The following HECW1 variants were observed in gnomAD, a reference collection of about 807,000 sequenced individuals.
HECW1 encodes the protein E3 ubiquitin-protein ligase HECW1.
HECW1 carries 61 observed loss-of-function variants against 182.3 expected under a neutral mutation model. That is an observed-to-expected ratio of 0.33 (90% CI 0.27 to 0.41). HECW1 has a LOEUF of 0.41. Among genes scored for constraint, HECW1 ranks in the 10% least tolerant of loss-of-function variants. The pLI is 1.00. For synonymous variants in HECW1, 859 were observed against 832.6 expected (o/e 1.03, Z -0.55); for missense variants, 1,739 against 2,108.9 (o/e 0.82, Z 3.44).
chr7:43,325,614 C>T (rs563438579), intron 5 of HECW1, among the ~76,000 whole-genome samples: 2 of 152,294 alleles, frequency 1.3e-5, no homozygotes, highest in East Asian at 1.9e-4. Flanking sequence ...CCTTCTCCCC[C>T]GCCCTTGTGT....
chr7:43,359,676 C>A (rs1815623954), intron 5 of HECW1, among the ~76,000 whole-genome samples: 1 of 152,164 alleles, frequency 6.6e-6, no homozygotes, highest in Non-Finnish European at 1.5e-5. Flanking sequence ...TACTTATCTT[C>A]ATTTTTCGTA....
At position 43,337,492 on chromosome 7, in the gene HECW1, C is replaced by T. The variant is rs576710544; in HGVS notation, c.460+16750C>T. Among the ~76,000 whole-genome samples the T allele has an allele frequency of 3.9e-5, 6 of 152,248 alleles. No individual in the cohort carries two copies. The South Asian group carries it at 1.2e-3, about 32-fold the overall frequency. ...TGACATCTCTAGGTCAGTCAAGTGG[C>T]CAAGAGCCCCAAGGTGACATCTCTA... On this transcript the variant is annotated intron_variant, in intron 5 of 29. Coordinates refer to ENST00000395891, the MANE Select transcript of HECW1 (RefSeq NM_015052.5).
At chr7:43,238,195 A>C (rs573100142) in intron 2 of HECW1, among the ~76,000 whole-genome samples, 1 of 152,310 alleles carries the variant, frequency 6.6e-6, no homozygotes, top group East Asian at 1.9e-4. Flanking sequence ...GGAAGAAAGC[A>C]AACAGCTCTG....
chr7:43,451,979 G>A (rs1049864013), intron 12 of HECW1, among the ~76,000 whole-genome samples: 16 of 152,146 alleles, frequency 1.1e-4, no homozygotes, highest in African/African-American at 2.9e-4. Flanking sequence ...GTACTTTACA[G>A]GAACACCACT....
At chr7:43,508,751 A>C in intron 23 of HECW1, 1 of 555,486 alleles carries the variant, frequency 1.8e-6, no homozygotes, top group East Asian at 2.9e-5. Flanking sequence ...GAGTTTATTC[A>C]TGGACATCTG....
intron 3 of HECW1, among the ~76,000 whole-genome samples, chr7:43,253,490 A>C (rs1181991478): frequency 6.6e-6 from 1 of 152,234 alleles, no homozygotes; most frequent in Non-Finnish European, 1.5e-5. Context: ...ACAAACATAG[A>C]TTGTCAGAAT....
chr7:43,429,407 G>A (rs982832940), intron 8 of HECW1, among the ~76,000 whole-genome samples: 3 of 147,924 alleles, frequency 2.0e-5, no homozygotes, highest in African/African-American at 7.5e-5. Context: ...TTCCTCCCTA[G>A]GATAGAGTCA....
intron 2 of HECW1, among the ~76,000 whole-genome samples, chr7:43,124,098 C>G (rs901161657): frequency 6.6e-6 from 1 of 152,146 alleles, no homozygotes; most frequent in African/African-American, 2.4e-5. Flanking sequence ...GCTCCTGACT[C>G]CGTCCTTTTT....
Position 43,516,902 on chromosome 7 carries a change from G to T in HECW1, c.4019+7781G>T, listed in dbSNP as rs2080179104. The stretch of plus-strand genomic sequence containing the variant: ...CTGTAACACAATAGCAAGTATTTGT[G>T]TATCTCAACATAGCTAAACATAGAA... On this transcript the variant is annotated intron_variant, in intron 24 of 29. Transcript: ENST00000395891. Among the ~76,000 whole-genome samples the T allele has an allele frequency of 2.0e-5, 3 of 152,120 alleles. No individual in the cohort carries two copies. The South Asian group carries it at 6.2e-4, about 32-fold the overall frequency.
chr7:43,520,068 A>T (rs1338585811), intron 24 of HECW1, among the ~76,000 whole-genome samples: 1 of 152,212 alleles, frequency 6.6e-6, no homozygotes, highest in Non-Finnish European at 1.5e-5. Context: ...TTTGGTAAAA[A>T]TGTCTTAGCT....
intron 12 of HECW1, among the ~76,000 whole-genome samples, chr7:43,452,195 C>T (rs2077257127): frequency 6.6e-6 from 1 of 152,200 alleles, no homozygotes; most frequent in Non-Finnish European, 1.5e-5. Flanking sequence ...AGCATCACTA[C>T]AAATACTTCC....
chr7:43,290,217 A>C (rs1805223269), intron 3 of HECW1, among the ~76,000 whole-genome samples: 1 of 152,242 alleles, frequency 6.6e-6, no homozygotes, highest in South Asian at 2.1e-4. Context: ...GCCATTTCAA[A>C]AGATGTCAAA....
intron 2 of HECW1, among the ~76,000 whole-genome samples, chr7:43,149,559 T>G (rs966724066): frequency 1.3e-5 from 2 of 152,342 alleles, no homozygotes; most frequent in Middle Eastern, 6.8e-3. Flanking sequence ...AACATGCAAA[T>G]GTCAGTAGTT....
rs1385828105 is a variant in HECW1, at chr7:43,508,082, A to G, written c.3817A>G (p.Lys1273Glu). 1.2e-6 allele frequency: 2 copies of G among 1,614,012 alleles called. No individual in the cohort carries two copies. Among genetic ancestry groups the G allele is most frequent in the Non-Finnish European group, 1.7e-6 (2 of 1,179,920 alleles). Residue 1273 changes from lysine to glutamate, a missense_variant, in exon 23 of 30, where the codon AAA (lysine) becomes GAA (glutamate). By Grantham distance (56) the Lys-to-Glu change is moderately conservative (BLOSUM62 1). Coordinates refer to ENST00000395891, the MANE Select transcript of HECW1 (RefSeq NM_015052.5). ...CAATCAGGTGATGGCCTATTCGCGG[A>G]AAGAGCTCCAGCGAAACAAGCTCTA... ...TFNQVMAYSR[K>E]ELQRNKLYVT...
intron 5 of HECW1, among the ~76,000 whole-genome samples, chr7:43,328,143 C>A (rs1301946728): frequency 6.6e-6 from 1 of 151,694 alleles, no homozygotes; most frequent in Non-Finnish European, 1.5e-5. Flanking sequence ...CAAAGTGAGA[C>A]CTCCATCTCT....
chr7:43,197,522 C>T (rs1333254584), intron 2 of HECW1, among the ~76,000 whole-genome samples: 1 of 152,320 alleles, frequency 6.6e-6, no homozygotes, highest in East Asian at 1.9e-4. Flanking sequence ...CCTCTTGGCA[C>T]AGAGCGATCA....
At chr7:43,343,040 AT>A (rs1269753603) in intron 5 of HECW1, among the ~76,000 whole-genome samples, 1 of 149,360 alleles carries the variant, frequency 6.7e-6, no homozygotes, top group Non-Finnish European at 1.5e-5. Context: ...AAAAAAAAAA[AT>A]GTTTCTACGT....
intron 2 of HECW1, among the ~76,000 whole-genome samples, chr7:43,172,453 C>G (rs1791792115): frequency 6.7e-6 from 1 of 149,758 alleles, no homozygotes; most frequent in African/African-American, 2.5e-5. Context: ...TAAATTCTTT[C>G]ACACATGCCC....
At chr7:43,198,173 ACATT>A (rs763386411) in intron 2 of HECW1, among the ~76,000 whole-genome samples, 4 of 147,028 alleles carry the variant, frequency 2.7e-5, no homozygotes, top group Non-Finnish European at 6.0e-5. Context: ...CGCACACCCC[ACATT>A]CACACACACA....
Sources: gnomAD v4.1 joint callset for allele counts (sites outside exome capture counted in the v4.1 genomes callset) on GRCh38, gnomAD v4.1.1 for gene constraint, MANE v1.5 for transcripts, NCBI Gene and HGNC (gene_info 2026-07-23, HGNC 2026-07-21) for gene names.